The following URB1 variants were observed in gnomAD, a reference collection of about 807,000 sequenced individuals.
The protein encoded by URB1 is URB1 ribosome biogenesis factor, also known as nucleolar pre-ribosomal-associated protein 1.
Under a neutral mutation model 242.3 loss-of-function variants are expected in URB1, and 197 were observed. The ratio of observed to expected loss-of-function variants is 0.81; its 90% CI spans 0.72 to 0.91. The LOEUF is 0.91. URB1 is among the 40% of genes least tolerant of loss of function. The pLI, the probability that URB1 is intolerant of heterozygous loss-of-function variation, is 0.00. For synonymous variants in URB1, 1,153 were observed against 1,201.8 expected (o/e 0.96, Z 0.84); for missense variants, 2,721 against 2,860.5 (o/e 0.95, Z 1.11).
chr21:32,349,653 T>C (rs2033134084), intron 20 of URB1, among the ~76,000 whole-genome samples, 170 bp from the exon 21 acceptor site: 1 of 152,202 alleles, frequency 6.6e-6, no homozygotes, highest in South Asian at 2.1e-4. Flanking sequence ...ATTTCTCAAA[T>C]AAGAGATGTG....
Position 32,337,111 on chromosome 21 carries a change from G to C in URB1, c.4668C>G (p.Leu1556=), listed in dbSNP as rs1037967165. The part of the protein sequence containing the change: ...LLLRAYEQNK[L]SLINFRVLLW... ...ACACTCACCTGAAGTTGATGAGGCT[G>C]AGCTTGTTCTGCTCATACGCTCGAA... is the stretch of plus-strand genomic sequence containing the variant. Residue 1556 remains leucine (L), a synonymous_variant, in exon 28 of 39, where the codon CTC becomes CTG. Transcript: ENST00000382751. 6 of 1,551,884 alleles carry C rather than the reference G, an allele frequency of 3.9e-6. 1 individual carries two copies. In the Admixed American group the frequency reaches 1.2e-4, roughly 30 times the overall value.
intron 30 of URB1, among the ~76,000 whole-genome samples, chr21:32,326,132 C>T (rs955980194): frequency 1.3e-5 from 2 of 152,144 alleles, no homozygotes; most frequent in East Asian, 3.9e-4. Context: ...TCTTCACTAA[C>T]GAAACTGAGG....
In URB1 at chr21:32,354,880, T is replaced by C. The variant is rs1356416841; in HGVS notation, c.2224A>G (p.Ile742Val). The C allele has an allele frequency of 2.6e-6, 4 of 1,552,260 alleles. No individual in the cohort carries two copies. The highest frequency in any genetic ancestry group is 2.0e-5 in the Admixed American group (1 of 50,984). ...MTKQEADDMS[I>V]PISHIDDVLD... ...ATACCGTCAATGTGGGAGATGGGAA[T>C]GCTCATGTCATCGGCTTCTTGCTTC... Residue 742 changes from isoleucine (I) to valine (V), a missense_variant, in exon 17 of 39, where the codon ATT becomes GTT. Ile to Val is a conservative substitution (Grantham distance 29). Coordinates refer to ENST00000382751, the MANE Select transcript of URB1 (RefSeq NM_014825.3).
At position 32,392,803 on chromosome 21, in the gene URB1, C is replaced by T; in HGVS notation, c.108G>A (p.Lys36=). The change falls in exon 1 of 39, where the codon AAG becomes AAA. Residue 36 remains lysine (K), a synonymous_variant. Transcript: ENST00000382751. ...GGCCCTGCGGGTCCTTCAGCTGAGC[C>T]TTGAACCGCACGCCCGTGAGCTCTT... ...RKEELTGVRF[K]AQLKDPQGPG... 2 of 1,529,412 alleles carry T rather than the reference C, an allele frequency of 1.3e-6. No homozygotes were observed. Among genetic ancestry groups the T allele is most frequent in the Non-Finnish European group, 1.7e-6 (2 of 1,143,324 alleles). The allele number at this position is 1,529,412 out of a possible 1,614,324, so 94.7% of individuals were successfully genotyped here. A position where few individuals can be genotyped will look rare whatever the true frequency, so the allele number is the denominator to read the frequency against.
chr21:32,348,355 C>A (rs899111124), intron 21 of URB1, among the ~76,000 whole-genome samples: 2 of 152,082 alleles, frequency 1.3e-5, no homozygotes, highest in African/African-American at 2.4e-5. Flanking sequence ...GGGATTAAAC[C>A]ACCGTGTGTC....
chr21:32,372,391 T>C lies in URB1; in HGVS notation c.1001+116A>G, dbSNP rs1175930589. Reference sequence around the variant, plus strand: ...ACAACTGTTCAACCCTGAAACGAGTTAGATAATGTCCACAATTCTAGTTCT... The same window carrying C: ...ACAACTGTTCAACCCTGAAACGAGTCAGATAATGTCCACAATTCTAGTTCT... On this transcript the variant is annotated intron_variant, in intron 8 of 38. Coordinates refer to ENST00000382751, the MANE Select transcript of URB1 (RefSeq NM_014825.3). 5 of 1,344,778 alleles carry C rather than the reference T, an allele frequency of 3.7e-6. No individual in the cohort carries two copies. In the African/African-American group the frequency reaches 7.4e-5, roughly 20 times the overall value. 83.3% of individuals were successfully genotyped at this position (1,344,778 alleles called of 1,614,324 possible). A position where few individuals can be genotyped will look rare whatever the true frequency, so the allele number is the denominator to read the frequency against.
At chr21:32,388,369 C>T (rs946595613) in intron 1 of URB1, among the ~76,000 whole-genome samples, 5 of 152,208 alleles carry the variant, frequency 3.3e-5, no homozygotes, top group Admixed American at 6.5e-5. Flanking sequence ...AGCAGCCCCC[C>T]GGGTGTCCTC....
At position 32,315,149 on chromosome 21, in the gene URB1, G is replaced by A. The variant is rs766464599; in HGVS notation, c.6635-50C>T. Reference sequence around the variant, plus strand: ...ATTAGGATGCACACCTGCTCAGCTCGAAAACAGGTCATCCTGCCCACAATG... The same window carrying A: ...ATTAGGATGCACACCTGCTCAGCTCAAAAACAGGTCATCCTGCCCACAATG... On this transcript the variant is annotated intron_variant, in intron 38 of 38. Coordinates refer to ENST00000382751, the MANE Select transcript of URB1 (RefSeq NM_014825.3). The A allele has an allele frequency of 9.0e-6, 13 of 1,440,020 alleles. No homozygotes were observed. The South Asian group carries it at 9.2e-5, about 10-fold the overall frequency. The allele number at this position is 1,440,020 out of a possible 1,614,324, so 89.2% of individuals were successfully genotyped here.
intron 10 of URB1, among the ~76,000 whole-genome samples, chr21:32,364,615 C>G (rs1442568473): frequency 6.6e-6 from 1 of 152,172 alleles, no homozygotes; most frequent in Non-Finnish European, 1.5e-5. Flanking sequence ...AAAGGCAGGC[C>G]CCACACAAGC....
intron 1 of URB1, among the ~76,000 whole-genome samples, chr21:32,390,170 A>C (rs1053848932): frequency 2.6e-5 from 4 of 152,010 alleles, no homozygotes; most frequent in African/African-American, 9.7e-5. Context: ...ACTCACCTAC[A>C]CCCATGCCCT....
chr21:32,317,134 G>A (rs958112200), intron 37 of URB1, 69 bp from the exon 38 acceptor site: 2 of 1,449,548 alleles, frequency 1.4e-6, no homozygotes, highest in African/African-American at 1.4e-5. Context: ...CAGATGTGGG[G>A]AGGTGTCAAT....
At chr21:32,375,273 C>T (rs993477640) in intron 6 of URB1, 125 bp downstream of exon 6, 1 of 549,012 alleles carries the variant, frequency 1.8e-6, no homozygotes. Flanking sequence ...GAGTTTTCCA[C>T]TCAACCAATA....
rs1421709902 is a variant in URB1 at position 32,354,948 on chromosome 21, G to C, written c.2156C>G (p.Ser719Cys). The part of the protein sequence containing the change: ...ANPYSYTDKA[S>C]DFVQEASMLQ... ...CATGCTTGCTTCTTGGACAAAGTCAGATGCTTTGTCTGTGTATGAATAGGG... is the reference window on the plus strand; with the variant it reads ...CATGCTTGCTTCTTGGACAAAGTCACATGCTTTGTCTGTGTATGAATAGGG... The change falls in exon 17 of 39, where the codon TCT becomes TGT. Residue 719 changes from serine (S) to cysteine (C), a missense_variant. By Grantham distance (112) the Ser-to-Cys change is moderately radical. Transcript: ENST00000382751. The C allele has an allele frequency of 1.2e-5, 19 of 1,552,288 alleles. No individual in the cohort carries two copies. Among genetic ancestry groups the C allele is most frequent in the Non-Finnish European group, 1.7e-5 (19 of 1,147,132 alleles).
intron 11 of URB1, among the ~76,000 whole-genome samples, chr21:32,362,320 G>A (rs577291711): frequency 6.6e-6 from 1 of 151,848 alleles, no homozygotes; most frequent in Non-Finnish European, 1.5e-5. Flanking sequence ...ATTCTCGTGC[G>A]TCAGCCACCT....
intron 26 of URB1, 28 bp downstream of exon 26, chr21:32,338,679 G>T: frequency 1.3e-6 from 2 of 1,549,944 alleles, no homozygotes; most frequent in Non-Finnish European, 1.7e-6. Context: ...TCTGGATACG[G>T]AATGGAAGGG....
intron 35 of URB1, 65 bp from the exon 36 acceptor site, chr21:32,319,479 G>A: frequency 3.6e-6 from 5 of 1,401,452 alleles, no homozygotes; most frequent in Admixed American, 3.1e-5. Context: ...TCAGACTATC[G>A]CCCTCCATAA....
chr21:32,348,713 C>A (rs888928621), intron 21 of URB1, among the ~76,000 whole-genome samples: 1 of 152,208 alleles, frequency 6.6e-6, no homozygotes, highest in African/African-American at 2.4e-5. Flanking sequence ...GAATGCTTTG[C>A]CTCACGCTGA....
chr21:32,361,929 G>A lies in URB1; in HGVS notation c.1602C>T (p.Ser534=), dbSNP rs748524385. 39 of 1,551,336 alleles carry A rather than the reference G, an allele frequency of 2.5e-5. No individual in the cohort carries two copies. The South Asian group carries it at 2.9e-4, about 11-fold the overall frequency. The part of the protein sequence containing the change: ...KQDDKKGQKR[S]DGPPAACDAH... ...CATCGCAGGCAGCCGGGGGCCCATC[G>A]CTCCTTTTCTGCCCTTTCTTGTCAT... Residue 534 remains serine, a synonymous_variant, in exon 12 of 39, where the codon AGC becomes AGT. Transcript: ENST00000382751.
At chr21:32,333,679 G>A (rs2032922135) in intron 29 of URB1, among the ~76,000 whole-genome samples, 1 of 152,166 alleles carries the variant, frequency 6.6e-6, no homozygotes, top group Non-Finnish European at 1.5e-5. Context: ...GAAAGTCTCT[G>A]TACACTGACC....
Sources: gnomAD v4.1 joint callset for allele counts (sites outside exome capture counted in the v4.1 genomes callset) on GRCh38, gnomAD v4.1.1 for gene constraint, MANE v1.5 for transcripts, NCBI Gene and HGNC (gene_info 2026-07-23, HGNC 2026-07-21) for gene names.